The following FAM107B variants were observed in gnomAD, a reference collection of about 807,000 sequenced individuals.
FAM107B encodes family with sequence similarity 107 member B, also known as protein FAM107B.
Under a neutral mutation model 31.5 loss-of-function variants are expected in FAM107B, and 21 were observed. That is an observed-to-expected ratio of 0.67 (90% CI 0.47 to 0.96). The LOEUF is 0.96. FAM107B is among the 40% of genes least tolerant of loss of function. The pLI, the probability that FAM107B is intolerant of heterozygous loss-of-function variation, is 0.00. For missense variants in FAM107B, 452 were observed against 377.1 expected (o/e 1.20, Z -1.64); for synonymous variants, 157 against 141.5 (o/e 1.11, Z -0.78).
At position 14,521,147 on chromosome 10, in the gene FAM107B, C is replaced by G; in HGVS notation, c.*43G>C. ...CTGAGATTGAGAAGGCACCCACAGACAGCTCTGTGGGGTGACACACGAGGT... is the reference window on the plus strand; with the variant it reads ...CTGAGATTGAGAAGGCACCCACAGAGAGCTCTGTGGGGTGACACACGAGGT... On this transcript the variant is annotated 3_prime_UTR_variant, in exon 5 of 5. Coordinates refer to ENST00000181796, the MANE Select transcript of FAM107B (RefSeq NM_031453.4). 6.2e-6 allele frequency: 9 copies of G among 1,462,828 alleles called. No homozygotes were observed. Among genetic ancestry groups the G allele is most frequent in the Non-Finnish European group, 8.6e-6 (9 of 1,051,166 alleles). The allele number at this position is 1,462,828 out of a possible 1,614,324, so 90.6% of individuals were successfully genotyped here.
intron 2 of FAM107B, among the ~76,000 whole-genome samples, chr10:14,612,173 A>G (rs975460486): frequency 1.1e-4 from 17 of 152,266 alleles, no homozygotes; most frequent in Admixed American, 2.6e-4. Context: ...AACTCTGCTT[A>G]GAGAAGTGTG....
chr10:14,754,331 C>T (rs1377793414), intron 1 of FAM107B, among the ~76,000 whole-genome samples: 1 of 152,130 alleles, frequency 6.6e-6, no homozygotes, highest in Non-Finnish European at 1.5e-5. Context: ...CCACGGTGCC[C>T]CTGTCCTGCT....
chr10:14,645,918 G>C (rs1853741052), intron 2 of FAM107B, among the ~76,000 whole-genome samples: 1 of 152,150 alleles, frequency 6.6e-6, no homozygotes, highest in Non-Finnish European at 1.5e-5. Context: ...TGAATGAAAG[G>C]TTAACAATAA....
chr10:14,746,703 C>T (rs1167636214), intron 1 of FAM107B, among the ~76,000 whole-genome samples: 4 of 152,136 alleles, frequency 2.6e-5, no homozygotes, highest in Non-Finnish European at 5.9e-5. Context: ...GTGACCTGAC[C>T]TTTCTCTCTG....
intron 1 of FAM107B, among the ~76,000 whole-genome samples, chr10:14,768,127 A>G (rs1374329288): frequency 6.6e-6 from 1 of 152,230 alleles, no homozygotes; most frequent in Non-Finnish European, 1.5e-5. Flanking sequence ...GAAAACTTCA[A>G]AATGTTACTG....
At chr10:14,557,097 G>A (rs1849773079) in intron 2 of FAM107B, among the ~76,000 whole-genome samples, 1 of 152,172 alleles carries the variant, frequency 6.6e-6, no homozygotes, top group Non-Finnish European at 1.5e-5. Flanking sequence ...TTCTCAGTCT[G>A]TATTTCAACA....
At chr10:14,739,372 C>G (rs1303087293) in intron 1 of FAM107B, among the ~76,000 whole-genome samples, 1 of 152,166 alleles carries the variant, frequency 6.6e-6, no homozygotes, top group East Asian at 1.9e-4. Flanking sequence ...TAGAACTATA[C>G]CCACTCAATG....
intron 2 of FAM107B, among the ~76,000 whole-genome samples, chr10:14,608,059 A>G (rs1283406857): frequency 6.6e-6 from 1 of 152,216 alleles, no homozygotes; most frequent in Non-Finnish European, 1.5e-5. Flanking sequence ...TCAATCTGGA[A>G]TAAGACGTGT....
At chr10:14,764,407 C>T (rs55993689) in intron 1 of FAM107B, among the ~76,000 whole-genome samples, 14,117 of 152,170 alleles carry the variant, frequency 0.093, 1,720 homozygotes, top group African/African-American at 0.29. Context: ...TCATTTTCCA[C>T]TTAACTGAAC....
intron 2 of FAM107B, among the ~76,000 whole-genome samples, chr10:14,635,359 C>T (rs1008931642): frequency 6.6e-5 from 10 of 152,176 alleles, no homozygotes; most frequent in Admixed American, 5.2e-4. Flanking sequence ...CATTAGACTT[C>T]GAACAGCCCA....
chr10:14,623,009 T>C (rs1853057205), intron 2 of FAM107B, among the ~76,000 whole-genome samples: 1 of 152,208 alleles, frequency 6.6e-6, no homozygotes, highest in African/African-American at 2.4e-5. Context: ...AGCATCCTTC[T>C]TGACTGATAC....
In FAM107B at chr10:14,628,119, T is replaced by TTTGTTTTTTTTTTTTTTTG. The variant is rs1458599256; in HGVS notation, c.469+39514_469+39515insCAAAAAAAAAAAAAAACAA. On this transcript the variant is annotated intron_variant, in intron 2 of 4. Transcript: ENST00000181796. The stretch of plus-strand genomic sequence containing the variant: ...TTGTTTTTTGTTTTGCTGGTTTTTT[T>TTTGTTTTTTTTTTTTTTTG]TTTTTTTTTTTTTTGAGATGGAGTT... 8.1e-5 allele frequency among the ~76,000 whole-genome samples: 10 copies of TTTGTTTTTTTTTTTTTTTG among 123,124 alleles called. No homozygotes were observed. In the East Asian group the frequency reaches 2.1e-3, roughly 26 times the overall value. 80.8% of individuals were successfully genotyped at this position (123,124 alleles called of 152,430 possible).
intron 1 of FAM107B, among the ~76,000 whole-genome samples, chr10:14,691,388 G>T (rs145058464): frequency 6.6e-6 from 1 of 152,190 alleles, no homozygotes; most frequent in Non-Finnish European, 1.5e-5. Context: ...CCAGTTCTGC[G>T]CTCTGCAGGT....
intron 2 of FAM107B, among the ~76,000 whole-genome samples, chr10:14,575,886 C>T (rs909890550): frequency 3.9e-5 from 6 of 152,194 alleles, no homozygotes; most frequent in African/African-American, 1.4e-4. Context: ...ATCCATACAA[C>T]ACAGATATTA....
At position 14,559,116 on chromosome 10, in the gene FAM107B, AAC is replaced by A. The variant is rs565606975; in HGVS notation, c.470-28603_470-28602del. On this transcript the variant is annotated intron_variant, in intron 2 of 4. Coordinates refer to ENST00000181796, the MANE Select transcript of FAM107B (RefSeq NM_031453.4). ...TGGAACTTCAAAAAAAAAAAAAAAA[AAC>A]AAAAAAAAAACACCTGGTGTCTAGC... 1.2e-3 allele frequency among the ~76,000 whole-genome samples: 61 copies of A among 51,140 alleles called. 1 individual carries two copies. Among genetic ancestry groups the A allele is most frequent in the Non-Finnish European group, 2.7e-3 (44 of 16,356 alleles). The allele number at this position is 51,140 out of a possible 152,430, so 33.5% of individuals were successfully genotyped here.
intron 1 of FAM107B, among the ~76,000 whole-genome samples, chr10:14,743,491 A>G (rs893147073): frequency 1.3e-5 from 2 of 152,168 alleles, no homozygotes; most frequent in African/African-American, 4.8e-5. Context: ...TGTGGGTTTT[A>G]CATTTAAGTC....
At chr10:14,638,726 C>T (rs185615296) in intron 2 of FAM107B, among the ~76,000 whole-genome samples, 1 of 152,262 alleles carries the variant, frequency 6.6e-6, no homozygotes, top group African/African-American at 2.4e-5. Context: ...ATTCTCACAT[C>T]GGCTTCTCCT....
At chr10:14,767,075 G>GAA (rs1564295826) in intron 1 of FAM107B, among the ~76,000 whole-genome samples, 1 of 83,374 alleles carries the variant, frequency 1.2e-5, no homozygotes, top group East Asian at 3.3e-4. Context: ...GAGAGAGAGA[G>GAA]AGAGAGAGAG....
chr10:14,662,611 C>T (rs1165698736), intron 2 of FAM107B, among the ~76,000 whole-genome samples: 1 of 152,052 alleles, frequency 6.6e-6, no homozygotes, highest in Non-Finnish European at 1.5e-5. Flanking sequence ...CCTTCTTTAC[C>T]TGTTTGTTGA....
Sources: allele counts gnomAD v4.1 joint callset (sites outside exome capture counted in the v4.1 genomes callset), GRCh38; gene constraint gnomAD v4.1.1; transcripts MANE v1.5; gene names NCBI Gene and HGNC (gene_info 2026-07-23, HGNC 2026-07-21).